Variants in CECR2 observed in about 807,000 individuals in gnomAD.
CECR2 encodes CECR2 histone acetyl-lysine reader.
A neutral mutation model predicts 154.5 loss-of-function variants in CECR2; 30 were observed. The ratio of observed to expected loss-of-function variants is 0.19; its 90% CI spans 0.15 to 0.26. The LOEUF is 0.26. Ranked by LOEUF, CECR2 falls within the 10% of genes least tolerant of loss-of-function variation. The pLI, the probability that CECR2 is intolerant of heterozygous loss-of-function variation, is 1.00. For synonymous variants in CECR2, 725 were observed against 683.7 expected (o/e 1.06, Z -0.94); for missense variants, 1,743 against 1,829.3 (o/e 0.95, Z 0.86).
At chr22:17,374,884 T>G (rs1331832355) in intron 1 of CECR2, among the ~76,000 whole-genome samples, 1 of 152,128 alleles carries the variant, frequency 6.6e-6, no homozygotes, top group Non-Finnish European at 1.5e-5. Context: ...CTCACCTGGA[T>G]CTCAGGTTCT....
Position 17,532,700 on chromosome 22 carries a change from C to CTTTTTTTTTTTTTTT in CECR2, c.1109-4382_1109-4368dup, listed in dbSNP as rs695634. ...CCAAGTAGGTATATTCATTATTATT[C>CTTTTTTTTTTTTTTT]TTTTTTTTTTTTTTTTTTTTTTTTT... On this transcript the variant is annotated intron_variant, in intron 9 of 18. Transcript: ENST00000262608. Among the ~76,000 whole-genome samples the CTTTTTTTTTTTTTTT allele has an allele frequency of 1.0e-3, 37 of 35,792 alleles. 11 individuals are homozygous for CTTTTTTTTTTTTTTT. Among genetic ancestry groups the CTTTTTTTTTTTTTTT allele is most frequent in the African/African-American group, 1.4e-3 (12 of 8,578 alleles). The allele number at this position is 35,792 out of a possible 152,430, so 23.5% of individuals were successfully genotyped here.
chr22:17,504,109 C>T (rs1219015154), intron 6 of CECR2, among the ~76,000 whole-genome samples: 1 of 146,824 alleles, frequency 6.8e-6, no homozygotes, highest in African/African-American at 2.6e-5. Context: ...CAGTGGCTCA[C>T]ACCTGTAATC....
At chr22:17,442,890 A>G (rs1262999886) in intron 1 of CECR2, among the ~76,000 whole-genome samples, 3 of 152,196 alleles carry the variant, frequency 2.0e-5, no homozygotes, top group Admixed American at 2.0e-4. Flanking sequence ...CCCTAGAATC[A>G]TTCACATTTT....
At chr22:17,502,648 C>G (rs1318281102) in intron 5 of CECR2, among the ~76,000 whole-genome samples, 3 of 151,904 alleles carry the variant, frequency 2.0e-5, no homozygotes, top group African/African-American at 7.3e-5. Context: ...CTAAAAAATA[C>G]AAAAATTAGC....
At chr22:17,384,509 A>C (rs2063236652) in intron 1 of CECR2, among the ~76,000 whole-genome samples, 1 of 152,262 alleles carries the variant, frequency 6.6e-6, no homozygotes, top group African/African-American at 2.4e-5. Flanking sequence ...TATCTCCATC[A>C]GAGCTCTTGG....
chr22:17,542,517 C>T lies in CECR2; in HGVS notation c.2374C>T (p.Pro792Ser). The change falls in exon 16 of 19, where the codon CCC (proline) becomes TCC (serine). Residue 792 changes from proline (P) to serine (S), a missense_variant. By Grantham distance (74) the Pro-to-Ser change is moderately conservative. Transcript: ENST00000262608. ...NQGPLGPDEK[P>S]HLGPGPSHQP... Reference sequence around the variant, plus strand: ...AGGACCCTTGGGCCCAGATGAGAAGCCCCACCTGGGGCCAGGACCCTCTCA... The same window carrying T: ...AGGACCCTTGGGCCCAGATGAGAAGTCCCACCTGGGGCCAGGACCCTCTCA... The T allele has an allele frequency of 1.2e-6, 2 of 1,613,976 alleles. No homozygotes were observed.
intron 1 of CECR2, among the ~76,000 whole-genome samples, chr22:17,408,911 C>A (rs2054025677): frequency 6.6e-6 from 1 of 152,152 alleles, no homozygotes; most frequent in Non-Finnish European, 1.5e-5. Context: ...CTTTCTGCAT[C>A]TTCTACCTTC....
chr22:17,362,838 G>A (rs2062983423), intron 1 of CECR2, among the ~76,000 whole-genome samples: 1 of 147,824 alleles, frequency 6.8e-6, no homozygotes, highest in African/African-American at 2.5e-5. Flanking sequence ...GGAGGCAGAG[G>A]TTGCAGTGAG....
intron 1 of CECR2, among the ~76,000 whole-genome samples, chr22:17,378,487 G>A (rs1254111205): frequency 2.0e-5 from 3 of 151,748 alleles, no homozygotes; most frequent in Non-Finnish European, 2.9e-5. Flanking sequence ...TAGTAGAGAC[G>A]GGGTTTCACC....
At chr22:17,529,203 A>G (rs1485372639) in intron 9 of CECR2, among the ~76,000 whole-genome samples, 1 of 152,254 alleles carries the variant, frequency 6.6e-6, no homozygotes, top group Non-Finnish European at 1.5e-5. Context: ...GAGCAGAGGC[A>G]CGGAGGCAGG....
At chr22:17,369,159 G>A (rs989506560), upstream of CECR2, among the ~76,000 whole-genome samples, 1 of 151,748 alleles carries the variant, frequency 6.6e-6, no homozygotes, top group Admixed American at 6.6e-5. Context: ...AGGCCAAGTG[G>A]GGGTGGGAGA....
At chr22:17,544,497 CAAAAAAAAAAA>C (rs34885224) in intron 16 of CECR2, among the ~76,000 whole-genome samples, 1 of 57,392 alleles carries the variant, frequency 1.7e-5, no homozygotes, top group Non-Finnish European at 3.3e-5. Context: ...GACTCCATCT[CAAAAAAAAAAA>C]AAAAAAAAAG....
At chr22:17,468,055 C>A (rs184770084) in intron 1 of CECR2, among the ~76,000 whole-genome samples, 1 of 152,120 alleles carries the variant, frequency 6.6e-6, no homozygotes, top group Non-Finnish European at 1.5e-5. Flanking sequence ...GCCCCTTAAA[C>A]GGGGCTTGTC....
intron 2 of CECR2, among the ~76,000 whole-genome samples, chr22:17,483,181 T>C (rs2055359392): frequency 6.6e-6 from 1 of 152,250 alleles, no homozygotes; most frequent in African/African-American, 2.4e-5. Flanking sequence ...GGCCGATGTG[T>C]GTGTTTTTGT....
chr22:17,443,816 GC>G (rs1177816905), intron 1 of CECR2, among the ~76,000 whole-genome samples: 3 of 152,116 alleles, frequency 2.0e-5, no homozygotes, highest in Non-Finnish European at 4.4e-5. Flanking sequence ...CTTAAGATCA[GC>G]CTGACAAGCT....
intron 1 of CECR2, among the ~76,000 whole-genome samples, chr22:17,453,270 C>T (rs763666108): frequency 2.6e-5 from 4 of 152,070 alleles, no homozygotes; most frequent in South Asian, 4.1e-4. Context: ...GGAGAAACCC[C>T]GTCTCTGCTA....
intron 8 of CECR2, among the ~76,000 whole-genome samples, chr22:17,513,189 AAAAAATAGTT>A (rs1277203126): frequency 6.6e-6 from 1 of 152,202 alleles, no homozygotes; most frequent in Admixed American, 6.5e-5. Flanking sequence ...CACCTCTGAA[AAAAAATAGTT>A]AAATTACTTT....
chr22:17,450,741 C>G (rs1371499232), intron 1 of CECR2, among the ~76,000 whole-genome samples: 1 of 152,194 alleles, frequency 6.6e-6, no homozygotes, highest in Non-Finnish European at 1.5e-5. Flanking sequence ...CAGTTTTATC[C>G]ATTATCATAA....
chr22:17,534,292 A>T (rs2056404022), intron 9 of CECR2, among the ~76,000 whole-genome samples: 2 of 152,142 alleles, frequency 1.3e-5, no homozygotes, highest in Admixed American at 1.3e-4. Flanking sequence ...CAACAGAGCG[A>T]GACCCCTGTC....
Sources: gnomAD v4.1 joint callset for allele counts (sites outside exome capture counted in the v4.1 genomes callset) on GRCh38, gnomAD v4.1.1 for gene constraint, MANE v1.5 for transcripts, NCBI Gene and HGNC (gene_info 2026-07-23, HGNC 2026-07-21) for gene names.